The following CCDC171 variants were observed in gnomAD, a reference collection of about 807,000 sequenced individuals.
CCDC171 encodes coiled-coil domain containing 171.
CCDC171 carries 177 observed loss-of-function variants against 168.2 expected under a neutral mutation model. That is an observed-to-expected ratio of 1.05 (90% CI 0.93 to 1.19). The LOEUF is 1.19. CCDC171 is among the 50% of genes most tolerant of loss of function. The pLI is 0.00. For missense variants in CCDC171, 1,991 were observed against 1,539.0 expected (o/e 1.29, Z -4.91); for synonymous variants, 687 against 540.8 (o/e 1.27, Z -3.75).
chr9:15,814,509 AT>A (rs1208483364), intron 21 of CCDC171, among the ~76,000 whole-genome samples: 1 of 152,138 alleles, frequency 6.6e-6, no homozygotes, highest in African/African-American at 2.4e-5. Context: ...GCTTATATGA[AT>A]TTTTTTTAAA....
At chr9:15,567,658 C>G (rs975024029) in intron 2 of CCDC171, among the ~76,000 whole-genome samples, 4 of 151,702 alleles carry the variant, frequency 2.6e-5, no homozygotes, top group East Asian at 1.9e-4. Context: ...AAATCTTTCA[C>G]TATTTTTTTT....
chr9:16,086,780 C>G, the CCDC171 span, among the ~76,000 whole-genome samples: 2 of 152,082 alleles, frequency 1.3e-5, no homozygotes, highest in South Asian at 2.1e-4. Flanking sequence ...GCTCTTGCTT[C>G]TCTAGTTCAT....
At chr9:15,611,897 C>T (rs548526978) in intron 6 of CCDC171, among the ~76,000 whole-genome samples, 1 of 152,230 alleles carries the variant, frequency 6.6e-6, no homozygotes, top group East Asian at 1.9e-4. Context: ...AACCTAATTG[C>T]CATTGTGATG....
At chr9:16,065,277 C>G (rs1354139973), downstream of CCDC171, among the ~76,000 whole-genome samples, 1 of 152,174 alleles carries the variant, frequency 6.6e-6, no homozygotes, top group Non-Finnish European at 1.5e-5. Flanking sequence ...TCCATTATTG[C>G]TGCCTGCCCA....
At chr9:16,062,163 G>A (rs1833939509), downstream of CCDC171, among the ~76,000 whole-genome samples, 2 of 152,060 alleles carry the variant, frequency 1.3e-5, no homozygotes, top group African/African-American at 4.8e-5. Flanking sequence ...TGGGGCTGGG[G>A]ATGATAGGGA....
intron 11 of CCDC171, among the ~76,000 whole-genome samples, chr9:15,715,927 TG>T (rs1358416347): frequency 2.0e-5 from 3 of 152,226 alleles, no homozygotes; most frequent in African/African-American, 7.2e-5. Context: ...CCTCCTCCTG[TG>T]GGCTACTAAT....
intron 1 of CCDC171, among the ~76,000 whole-genome samples, chr9:16,045,847 C>A (rs1233468643): frequency 6.6e-6 from 1 of 152,196 alleles, no homozygotes; most frequent in African/African-American, 2.4e-5. Flanking sequence ...TCCTTCACCC[C>A]CATAAAATCC....
chr9:15,809,020 A>AAC (rs1435657606), intron 21 of CCDC171, among the ~76,000 whole-genome samples: 2 of 152,014 alleles, frequency 1.3e-5, no homozygotes, highest in African/African-American at 4.8e-5. Flanking sequence ...GGCCTTATTT[A>AAC]TATAAGGGCA....
At chr9:15,939,655 A>G (rs1195124986) in intron 25 of CCDC171, among the ~76,000 whole-genome samples, 2 of 151,900 alleles carry the variant, frequency 1.3e-5, no homozygotes, top group African/African-American at 4.8e-5. Flanking sequence ...CCTAGAGAAC[A>G]GAATTTTTAC....
chr9:15,713,982 G>A (rs2052887905), intron 11 of CCDC171, among the ~76,000 whole-genome samples: 1 of 151,904 alleles, frequency 6.6e-6, no homozygotes, highest in African/African-American at 2.4e-5. Flanking sequence ...TACTAAGGGG[G>A]TAGAATGAAT....
intron 23 of CCDC171, among the ~76,000 whole-genome samples, chr9:15,851,601 A>G (rs1227044702): frequency 6.6e-6 from 1 of 151,870 alleles, no homozygotes; most frequent in East Asian, 1.9e-4. Context: ...ACTTCTTTTG[A>G]AAACAACTCA....
At chr9:15,903,252 C>T (rs7043077) in intron 24 of CCDC171, among the ~76,000 whole-genome samples, 1 of 151,904 alleles carries the variant, frequency 6.6e-6, no homozygotes, top group African/African-American at 2.4e-5. Context: ...GTCCCTGACC[C>T]CCGAGTAGCC....
rs2051134428 is a variant in CCDC171 at position 15,695,341 on chromosome 9, A to G, written c.1318+4A>G. 1.9e-6 allele frequency: 3 copies of G among 1,608,358 alleles called. No homozygotes were observed. The highest frequency in any genetic ancestry group is 1.3e-5 in the African/African-American group (1 of 74,824). The stretch of plus-strand genomic sequence containing the variant: ...GTGTCGGGCCAGTGGACATCAGGTT[A>G]GTTGAAGGTATAAAATGACAGATGC... On this transcript the variant is annotated splice_donor_region_variant and intron_variant, in intron 11 of 25. Transcript: ENST00000380701.
intron 2 of CCDC171, among the ~76,000 whole-genome samples, chr9:15,566,330 G>T (rs1187408794): frequency 6.6e-6 from 1 of 152,062 alleles, no homozygotes; most frequent in African/African-American, 2.4e-5. Flanking sequence ...GGCTGAGGTG[G>T]GTGGATTGCT....
At chr9:16,088,210 A>G in the CCDC171 span, among the ~76,000 whole-genome samples, 1 of 152,242 alleles carries the variant, frequency 6.6e-6, no homozygotes, top group African/African-American at 2.4e-5. Context: ...CTAGGTATTG[A>G]TGGAACGTAT....
At chr9:16,047,744 C>T (rs1833683596) in intron 1 of CCDC171, among the ~76,000 whole-genome samples, 1 of 152,208 alleles carries the variant, frequency 6.6e-6, no homozygotes, top group African/African-American at 2.4e-5. Context: ...ACGTCTGCTT[C>T]CTCAATTGTA....
rs1031376604 is a variant in CCDC171, at chr9:15,808,624, G to C, written c.3267+23930G>C. Reference sequence around the variant, plus strand: ...CAGGGTGCTTGATTTCAGAGAGCAGGGTGCCTCAGTGATTTTGGAAGCAGA... The same window carrying C: ...CAGGGTGCTTGATTTCAGAGAGCAGCGTGCCTCAGTGATTTTGGAAGCAGA... On this transcript the variant is annotated intron_variant, in intron 21 of 25. Coordinates refer to ENST00000380701, the MANE Select transcript of CCDC171 (RefSeq NM_173550.4). 3.9e-5 allele frequency among the ~76,000 whole-genome samples: 6 copies of C among 152,252 alleles called. No homozygotes were observed. In the South Asian group the frequency reaches 6.2e-4, roughly 16 times the overall value.
intron 16 of CCDC171, among the ~76,000 whole-genome samples, chr9:15,742,378 C>T (rs1375957386): frequency 6.6e-6 from 1 of 152,214 alleles, no homozygotes; most frequent in Non-Finnish European, 1.5e-5. Context: ...CTCATTTCTT[C>T]AGGTATTCTG....
intron 10 of CCDC171, among the ~76,000 whole-genome samples, chr9:15,685,267 C>A (rs547660227): frequency 6.6e-6 from 1 of 152,232 alleles, no homozygotes; most frequent in East Asian, 1.9e-4. Flanking sequence ...ATTCTGTTTT[C>A]ATTCTCAAAT....
Sources: allele counts gnomAD v4.1 joint callset (sites outside exome capture counted in the v4.1 genomes callset), GRCh38; gene constraint gnomAD v4.1.1; transcripts MANE v1.5; gene names NCBI Gene and HGNC (gene_info 2026-07-23, HGNC 2026-07-21).